Variants in PTPRN2 observed in about 807,000 individuals in gnomAD.
PTPRN2 encodes receptor-type tyrosine-protein phosphatase N2.
A neutral mutation model predicts 118.8 loss-of-function variants in PTPRN2; 74 were observed. The observed-to-expected ratio is 0.62, with a 90% CI of 0.52 to 0.76. PTPRN2 has a LOEUF of 0.76. PTPRN2 is among the 30% of genes least tolerant of loss of function. The probability of loss-of-function intolerance (pLI) is 0.00; values close to 1 mark genes in which losing one functional copy is unlikely to be tolerated. For synonymous variants in PTPRN2, 641 were observed against 608.0 expected, an observed-to-expected ratio of 1.05 and a Z score of -0.80; for missense variants, 1,481 against 1,394.4, an observed-to-expected ratio of 1.06 and a Z score of -0.99.
In PTPRN2 at chr7:157,585,751, GGGA is replaced by G. The variant is rs1800637835; in HGVS notation, c.2497-7614_2497-7612del. Reference sequence around the variant, plus strand: ...AAGAGAGGAAGAGGAAGAGGAAGAGGGGAGGAGGAGTGGGGATGGGAGGAGCTG... The same window carrying G: ...AAGAGAGGAAGAGGAAGAGGAAGAGGGGAGGAGTGGGGATGGGAGGAGCTG... On this transcript the variant is annotated intron_variant, in intron 17 of 22. Transcript: ENST00000389418. This position sits in a 1 kb window ranked among gnomAD's most constrained non-coding sequence, Gnocchi z 5.2. 6.6e-6 allele frequency among the ~76,000 whole-genome samples: 1 copy of G among 152,210 alleles called. No homozygotes were observed. The highest frequency in any genetic ancestry group is 2.4e-5 in the African/African-American group (1 of 41,444).
intron 6 of PTPRN2, among the ~76,000 whole-genome samples, chr7:158,148,460 G>C (rs1438994950): frequency 1.1e-4 from 14 of 123,754 alleles, no homozygotes; most frequent in Non-Finnish European, 1.5e-4. Context: ...CATGCCACAC[G>C]TCTTTCCCCC....
chr7:158,242,633 T>A (rs771792841), intron 3 of PTPRN2, among the ~76,000 whole-genome samples: 1 of 152,196 alleles, frequency 6.6e-6, no homozygotes, highest in Admixed American at 6.5e-5. Context: ...AAGTGTCTGG[T>A]AGGATTCAGC....
Position 158,178,776 on chromosome 7 carries a change from T to G in PTPRN2, c.550-11485A>C, listed in dbSNP as rs148693250. ...CCACGCCTGGCTAATTTTTTGTATT[T>G]TTAGTAGAGACGAGGTTTCATCATG... On this transcript the variant is annotated intron_variant, in intron 5 of 22. Transcript: ENST00000389418. Among the ~76,000 whole-genome samples, 303 of 151,964 alleles carry G rather than the reference T, an allele frequency of 2.0e-3. 1 individual carries two copies. The highest frequency in any genetic ancestry group is 7.1e-3 in the African/African-American group (295 of 41,456).
chr7:157,577,441 A>C (rs733637), intron 18 of PTPRN2, among the ~76,000 whole-genome samples: 4,183 of 152,218 alleles, frequency 0.027, 151 homozygotes, highest in East Asian at 0.13. Context: ...TTAATCACCC[A>C]CGTTTATTTA....
At chr7:157,858,045 C>T (rs115575527) in intron 12 of PTPRN2, among the ~76,000 whole-genome samples, 1,900 of 148,836 alleles carry the variant, frequency 0.013, 61 homozygotes, top group African/African-American at 0.045. Flanking sequence ...TGAGTCAGCC[C>T]CCCAGCTACC....
In PTPRN2 at chr7:158,352,290, T is replaced by C. The variant is rs150384993; in HGVS notation, c.164-35358A>G. 4.4e-4 allele frequency among the ~76,000 whole-genome samples: 35 copies of C among 80,124 alleles called. 2 individuals are homozygous for C. The highest frequency in any genetic ancestry group is 1.8e-3 in the African/African-American group (30 of 16,858). The allele number at this position is 80,124 out of a possible 152,430, so 52.6% of individuals were successfully genotyped here. ...CCCTCCTGTCCACTCCCCTCCTGTC[T>C]GCTCCCCTCTTGACTGCTCCCCTCC... On this transcript the variant is annotated intron_variant, in intron 2 of 22. Transcript: ENST00000389418.
At chr7:158,541,571 G>A (rs766489187) in intron 1 of PTPRN2, 9 of 1,351,936 alleles carry the variant, frequency 6.7e-6, no homozygotes, top group African/African-American at 4.4e-5. Flanking sequence ...AGCTGGCTTC[G>A]GTTCTCAGCA....
At chr7:158,329,310 G>C (rs1046416176) in intron 2 of PTPRN2, among the ~76,000 whole-genome samples, 4 of 152,306 alleles carry the variant, frequency 2.6e-5, no homozygotes, top group Non-Finnish European at 5.9e-5. Flanking sequence ...CCCTCACGGA[G>C]CACCAGCGCG....
intron 3 of PTPRN2, among the ~76,000 whole-genome samples, chr7:158,277,172 C>T (rs1799072965): frequency 6.6e-6 from 1 of 152,250 alleles, no homozygotes; most frequent in South Asian, 2.1e-4. Context: ...CATAAACATG[C>T]TCTTCTCACG....
At chr7:158,062,437 C>T (rs1810414830) in intron 11 of PTPRN2, among the ~76,000 whole-genome samples, 1 of 152,238 alleles carries the variant, frequency 6.6e-6, no homozygotes, top group Admixed American at 6.5e-5. Context: ...CGCTCACTCT[C>T]AGCACCTCCT....
chr7:157,910,470 C>A (rs1316370943), intron 11 of PTPRN2, among the ~76,000 whole-genome samples: 2 of 131,464 alleles, frequency 1.5e-5, no homozygotes, highest in Non-Finnish European at 3.2e-5. Flanking sequence ...CACGCACGTA[C>A]GCCGTGGGGA....
At chr7:157,709,253 G>A (rs1414356614) in intron 12 of PTPRN2, among the ~76,000 whole-genome samples, 16 of 152,318 alleles carry the variant, frequency 1.1e-4, no homozygotes, top group African/African-American at 2.4e-5. Flanking sequence ...AGATCAATAC[G>A]ATGCCCTTCC....
At chr7:158,069,030 A>G (rs1392661470) in intron 11 of PTPRN2, among the ~76,000 whole-genome samples, 1 of 152,190 alleles carries the variant, frequency 6.6e-6, no homozygotes. Flanking sequence ...GCTCTCTGTA[A>G]GCCGTGGGCT....
chr7:157,840,305 G>A (rs1808310105), intron 12 of PTPRN2, among the ~76,000 whole-genome samples: 1 of 140,132 alleles, frequency 7.1e-6, no homozygotes. Context: ...CTGTGTGACT[G>A]TGTGGCCACG....
chr7:158,070,192 A>G (rs866238317), intron 11 of PTPRN2, among the ~76,000 whole-genome samples: 1 of 152,214 alleles, frequency 6.6e-6, no homozygotes, highest in South Asian at 2.1e-4. Flanking sequence ...GGACTGACCT[A>G]GAGTAAGGAG....
In PTPRN2 at chr7:158,544,163, C is replaced by T. The variant is rs942004851; in HGVS notation, c.112+43395G>A. On this transcript the variant is annotated intron_variant, in intron 1 of 22. Transcript: ENST00000389418. This position sits in a 1 kb window ranked among gnomAD's most constrained non-coding sequence, Gnocchi z 4.2. ...GCCAGAACCCAGTCCACACTCTGCCCGCATGATCTGCCTCTCCCCAAAACA... is the reference window on the plus strand; with the variant it reads ...GCCAGAACCCAGTCCACACTCTGCCTGCATGATCTGCCTCTCCCCAAAACA... 2.6e-5 allele frequency among the ~76,000 whole-genome samples: 4 copies of T among 152,108 alleles called. No individual in the cohort carries two copies. Among genetic ancestry groups the T allele is most frequent in the African/African-American group, 4.8e-5 (2 of 41,410 alleles).
chr7:157,679,506 C>G (rs1000219750), intron 13 of PTPRN2, among the ~76,000 whole-genome samples: 1 of 152,226 alleles, frequency 6.6e-6, no homozygotes, highest in African/African-American at 2.4e-5. Context: ...GAAGAAAGCT[C>G]TAACATCCTG....
chr7:158,407,679 CCTGG>C lies in PTPRN2; in HGVS notation c.163+82052_163+82055del, dbSNP rs1474553055. Among the ~76,000 whole-genome samples, 3 of 142,888 alleles carry C rather than the reference CCTGG, an allele frequency of 2.1e-5. No individual in the cohort carries two copies. In the East Asian group the frequency reaches 6.5e-4, roughly 31 times the overall value. 93.7% of individuals were successfully genotyped at this position (142,888 alleles called of 152,430 possible). On this transcript the variant is annotated intron_variant, in intron 2 of 22. Transcript: ENST00000389418. ...GCATCCTGCGTCCTGCGTCCTGGGT[CCTGG>C]GTCCTGGGTCCTGCGTCCTGCATCC...
intron 12 of PTPRN2, among the ~76,000 whole-genome samples, chr7:157,731,538 GCA>G (rs1799911891): frequency 7.0e-6 from 1 of 142,016 alleles, no homozygotes; most frequent in East Asian, 2.0e-4. Flanking sequence ...CATGCGCCCA[GCA>G]CAGTTACCCT....
Sources: gnomAD v4.1 joint callset for allele counts (sites outside exome capture counted in the v4.1 genomes callset) on GRCh38, gnomAD v4.1.1 for gene constraint, Gnocchi (gnomAD v3.1) non-coding constraint, MANE v1.5 for transcripts, NCBI Gene and HGNC (gene_info 2026-07-23, HGNC 2026-07-21) for gene names.